TMEM53: variants seen among roughly 807,000 people sequenced by gnomAD.
TMEM53 encodes transmembrane protein 53, also known as novel DUF829 domain-containing protein.
A neutral mutation model predicts 21.4 loss-of-function variants in TMEM53; 14 were observed. The ratio of observed to expected loss-of-function variants is 0.65; its 90% CI spans 0.43 to 1.02. TMEM53 has a LOEUF of 1.02. TMEM53 is among the 50% of genes least tolerant of loss of function. The probability of loss-of-function intolerance (pLI) is 0.00; values close to 1 mark genes in which losing one functional copy is unlikely to be tolerated. For missense variants in TMEM53, 323 were observed against 383.6 expected, an observed-to-expected ratio of 0.84 and a Z score of 1.32; for synonymous variants, 148 against 157.4, an observed-to-expected ratio of 0.94 and a Z score of 0.45.
intron 1 of TMEM53, among the ~76,000 whole-genome samples, chr1:44,661,146 C>A (rs867962387): frequency 9.2e-5 from 14 of 152,150 alleles, no homozygotes; most frequent in African/African-American, 3.4e-4. Flanking sequence ...ACAACAAGAT[C>A]GAGCGACTCA....
intron 1 of TMEM53, among the ~76,000 whole-genome samples, chr1:44,661,467 C>T (rs1227929326): frequency 6.6e-6 from 1 of 151,762 alleles, no homozygotes; most frequent in Non-Finnish European, 1.5e-5. Flanking sequence ...TCTCGAACTC[C>T]TGACCTCAAG....
rs754727955 is a variant in TMEM53 at position 44,655,099 on chromosome 1, A to G, written c.294T>C (p.Phe98=). The G allele has an allele frequency of 1.2e-6, 2 of 1,614,200 alleles. No homozygotes were observed. The highest frequency in any genetic ancestry group is 4.5e-5 in the East Asian group (2 of 44,884). The change falls in exon 3 of 3, where the codon TTT becomes TTC. Residue 98 remains phenylalanine (F), a synonymous_variant. Transcript: ENST00000372237. The surrounding 1 kb of genome is among the most constrained non-coding windows in gnomAD (Gnocchi z 4.4). ...GGGGCTCCTTCTCAATCTCATAATC[A>G]AAGAGCAGCTCGAGCAGCTTCTGGG... The part of the protein sequence containing the change: ...VLAQKLLELL[F]DYEIEKEPLL...
chr1:44,668,159 T>A (rs1284763225), intron 1 of TMEM53, among the ~76,000 whole-genome samples: 1 of 152,076 alleles, frequency 6.6e-6, no homozygotes, highest in Non-Finnish European at 1.5e-5. Context: ...ATGCAAAAAA[T>A]TGGCCAGACT....
intron 1 of TMEM53, 140 bp downstream of exon 1, chr1:44,674,191 G>A (rs112953973): frequency 0.015 from 21,477 of 1,389,180 alleles, 689 homozygotes; most frequent in African/African-American, 0.09. Context: ...GCCTCTCTAA[G>A]TCTAGGACCT....
chr1:44,659,352 G>C (rs540031042), intron 2 of TMEM53, among the ~76,000 whole-genome samples: 3 of 152,328 alleles, frequency 2.0e-5, no homozygotes, highest in South Asian at 4.1e-4. Context: ...AGGCTGTTTG[G>C]GGGAGAGATC....
intron 2 of TMEM53, among the ~76,000 whole-genome samples, chr1:44,657,685 G>A (rs377691282): frequency 4.1e-4 from 63 of 151,986 alleles, no homozygotes; most frequent in Non-Finnish European, 8.1e-4. Flanking sequence ...CTACAGACAC[G>A]CACCACCGTG....
chr1:44,674,180 A>G, intron 1 of TMEM53, 151 bp downstream of exon 1: 1 of 1,339,132 alleles, frequency 7.5e-7, no homozygotes, highest in Non-Finnish European at 9.6e-7. Flanking sequence ...GGGCTCTCTG[A>G]GCCTCTCTAA....
At chr1:44,664,225 C>T (rs1423843799) in intron 1 of TMEM53, among the ~76,000 whole-genome samples, 2 of 150,932 alleles carry the variant, frequency 1.3e-5, no homozygotes, top group Non-Finnish European at 2.9e-5. Flanking sequence ...CCAAGACAAG[C>T]TGATCACCTG....
Position 44,659,115 on chromosome 1 carries a change from C to T in TMEM53, c.183+1059G>A, listed in dbSNP as rs566811291. On this transcript the variant is annotated intron_variant, in intron 2 of 2. Transcript: ENST00000372237. ...TAAAAAGCAACACCAGAGCCCCAGC[C>T]TCGGAGGTCGGGGAGAGACTTCAAG... 9.8e-5 allele frequency among the ~76,000 whole-genome samples: 15 copies of T among 152,346 alleles called. No individual in the cohort carries two copies. The East Asian group carries it at 2.7e-3, about 27-fold the overall frequency.
At chr1:44,670,493 C>A (rs1644990175) in intron 1 of TMEM53, among the ~76,000 whole-genome samples, 1 of 152,180 alleles carries the variant, frequency 6.6e-6, no homozygotes, top group Non-Finnish European at 1.5e-5. Context: ...TGCTGCTCAC[C>A]ATGGGGGTCT....
rs1386675132 is a variant in TMEM53, at chr1:44,655,064, TG to T, written c.328del (p.His110MetfsTer43). 4.3e-6 allele frequency: 7 copies of T among 1,614,054 alleles called. No homozygotes were observed. Among genetic ancestry groups the T allele is most frequent in the Non-Finnish European group, 5.1e-6 (6 of 1,180,028 alleles). On this transcript the variant is annotated frameshift_variant, in exon 3 of 3. Coordinates refer to ENST00000372237, the MANE Select transcript of TMEM53 (RefSeq NM_024587.4). LOFTEE classifies it high-confidence loss of function. The surrounding 1 kb of genome is among the most constrained non-coding windows in gnomAD (Gnocchi z 4.4). ...CATGACGCCACCGTTGCTGAAGACA[TG>T]GAAGAGCAGGGGCTCCTTCTCAATC... ...YEIEKEPLLF[H>X]VFSNGGVMLY...
chr1:44,665,475 A>T (rs992764421), intron 1 of TMEM53, among the ~76,000 whole-genome samples: 1 of 152,068 alleles, frequency 6.6e-6, no homozygotes, highest in Non-Finnish European at 1.5e-5. Flanking sequence ...CGTCTCTACT[A>T]AATACAAAAA....
rs921457204 is a variant in TMEM53 at position 44,653,598 on chromosome 1, T to TCCTC, written c.*957_*960dup. On this transcript the variant is annotated 3_prime_UTR_variant, in exon 3 of 3. Transcript: ENST00000372237. ...AGCCAGGCAGGCCCCTAACCTCAGC[T>TCCTC]CCTCATCTGGCTTCTACCTCAGACT... 2.0e-5 allele frequency: 3 copies of TCCTC among 152,214 alleles called. No homozygotes were observed. Among genetic ancestry groups the TCCTC allele is most frequent in the African/African-American group, 7.2e-5 (3 of 41,448 alleles). 9.4% of individuals were successfully genotyped at this position (152,214 alleles called of 1,614,324 possible).
chr1:44,659,089 G>A (rs995798179), intron 2 of TMEM53, among the ~76,000 whole-genome samples: 2 of 152,188 alleles, frequency 1.3e-5, no homozygotes, highest in African/African-American at 4.8e-5. Flanking sequence ...GAGGCTGTCT[G>A]TAAAAAGCAA....
At chr1:44,669,820 C>T (rs563084654) in intron 1 of TMEM53, among the ~76,000 whole-genome samples, 10 of 142,162 alleles carry the variant, frequency 7.0e-5, no homozygotes, top group African/African-American at 2.1e-4. Context: ...TTTTTTGAGA[C>T]GGAGTTTCGC....
At chr1:44,667,376 C>T (rs1334458176) in intron 1 of TMEM53, among the ~76,000 whole-genome samples, 2 of 149,250 alleles carry the variant, frequency 1.3e-5, no homozygotes, top group Non-Finnish European at 3.0e-5. Context: ...GGTGCAATCT[C>T]GGCTCACTAC....
chr1:44,673,933 C>T (rs888420121), intron 1 of TMEM53: 1 of 985,314 alleles, frequency 1.0e-6, no homozygotes, highest in African/African-American at 1.7e-5. Context: ...CCTCCCCCTC[C>T]ACGCCTTCGG....
At chr1:44,666,166 C>A (rs1644947075) in intron 1 of TMEM53, among the ~76,000 whole-genome samples, 1 of 152,264 alleles carries the variant, frequency 6.6e-6, no homozygotes, top group South Asian at 2.1e-4. Flanking sequence ...AAATCAAAAT[C>A]AAAGCCACTA....
intron 1 of TMEM53, among the ~76,000 whole-genome samples, chr1:44,673,608 A>T (rs1557500938): frequency 6.6e-6 from 1 of 152,210 alleles, no homozygotes; most frequent in African/African-American, 2.4e-5. Context: ...TAATGTAAGG[A>T]GAGAAACAAT....
Sources: allele counts gnomAD v4.1 joint callset (sites outside exome capture counted in the v4.1 genomes callset), GRCh38; gene constraint gnomAD v4.1.1; non-coding constraint Gnocchi (gnomAD v3.1); transcripts MANE v1.5; gene names NCBI Gene and HGNC (gene_info 2026-07-23, HGNC 2026-07-21).